Variants in RB1 observed in about 807,000 individuals in gnomAD.
RB1 encodes the protein retinoblastoma-associated protein.
A neutral mutation model predicts 135.4 loss-of-function variants in RB1; 18 were observed. That is an observed-to-expected ratio of 0.13 (90% CI 0.09 to 0.20). The LOEUF is 0.20. Among genes scored for constraint, RB1 ranks in the 10% least tolerant of loss-of-function variants. RB1 has a pLI of 1.00. For synonymous variants in RB1, 365 were observed against 373.2 expected (o/e 0.98, Z 0.25); for missense variants, 868 against 1,110.0 (o/e 0.78, Z 3.10).
intron 17 of RB1, among the ~76,000 whole-genome samples, chr13:48,405,304 TAAATC>T (rs1243015104): frequency 2.0e-5 from 3 of 152,310 alleles, no homozygotes; most frequent in African/African-American, 7.2e-5. Context: ...TTAAAGTTGA[TAAATC>T]AAGTAATAAG....
At chr13:48,318,386 T>G in intron 2 of RB1, 1 of 1,497,342 alleles carries the variant, frequency 6.7e-7, no homozygotes, top group Non-Finnish European at 9.1e-7. Context: ...GCTTGGACCT[T>G]AAGTCCTTGA....
At chr13:48,339,138 G>T (rs975415214) in intron 2 of RB1, among the ~76,000 whole-genome samples, 1 of 152,280 alleles carries the variant, frequency 6.6e-6, no homozygotes, top group African/African-American at 2.4e-5. Flanking sequence ...ACTTGAGGAG[G>T]CAGTCTGTCC....
chr13:48,351,768 G>A (rs1418426281), intron 6 of RB1, among the ~76,000 whole-genome samples: 2 of 151,926 alleles, frequency 1.3e-5, no homozygotes, highest in African/African-American at 4.8e-5. Flanking sequence ...CTGCCTCCCG[G>A]GTTTAAGTGA....
rs1308009862 is a variant in RB1, at chr13:48,380,089, A to G, written c.1421+5A>G. On this transcript the variant is annotated splice_donor_5th_base_variant and intron_variant, in intron 15 of 26. Coordinates refer to ENST00000267163, the MANE Select transcript of RB1 (RefSeq NM_000321.3). ...ATTATCCATTCAAAATTTTAGGTAA[A>G]TTTTTTACTTTTAGTAAAAAATTTT... The G allele has an allele frequency of 2.1e-6, 3 of 1,412,068 alleles. No homozygotes were observed. The highest frequency in any genetic ancestry group is 2.9e-6 in the Non-Finnish European group (3 of 1,049,584). The allele number at this position is 1,412,068 out of a possible 1,614,324, so 87.5% of individuals were successfully genotyped here.
chr13:48,357,024 TTTTAA>T (rs1413823711), intron 6 of RB1, among the ~76,000 whole-genome samples: 1 of 152,012 alleles, frequency 6.6e-6, no homozygotes, highest in African/African-American at 2.4e-5. Context: ...AGAATTTTTT[TTTTAA>T]TTTGAGGTTT....
chr13:48,305,372 A>G (rs778834507), intron 1 of RB1, among the ~76,000 whole-genome samples: 1 of 152,222 alleles, frequency 6.6e-6, no homozygotes, highest in Non-Finnish European at 1.5e-5. Flanking sequence ...AATAACAACA[A>G]CAAAAAATTA....
intron 2 of RB1, among the ~76,000 whole-genome samples, chr13:48,330,390 T>TGG (rs1412532438): frequency 6.6e-6 from 1 of 152,030 alleles, no homozygotes; most frequent in Non-Finnish European, 1.5e-5. Context: ...AAGAGTTTTT[T>TGG]TGAAAAGATA....
At chr13:48,462,895 T>C (rs542433882) in intron 20 of RB1, among the ~76,000 whole-genome samples, 2 of 152,208 alleles carry the variant, frequency 1.3e-5, no homozygotes, top group African/African-American at 4.8e-5. Flanking sequence ...ACTGTAAATA[T>C]ATAAGTATTT....
At chr13:48,394,155 G>C (rs1399294950) in intron 17 of RB1, among the ~76,000 whole-genome samples, 1 of 152,138 alleles carries the variant, frequency 6.6e-6, no homozygotes, top group Non-Finnish European at 1.5e-5. Context: ...AGGGGTTGGG[G>C]AACTCCCTCC....
In RB1 at chr13:48,319,111, C is replaced by G. The variant is rs529268494; in HGVS notation, c.264+11705C>G. 4 of 608,138 alleles carry G rather than the reference C, an allele frequency of 6.6e-6. No individual in the cohort carries two copies. The highest frequency in any genetic ancestry group is 1.2e-5 in the Non-Finnish European group (4 of 329,412). 37.7% of individuals were successfully genotyped at this position (608,138 alleles called of 1,614,324 possible). A position where few individuals can be genotyped will look rare whatever the true frequency, so the allele number is the denominator to read the frequency against. ...CAAACTCGTTCCTGGAAGCCGGGCT[C>G]GCTGGAGGCGGAGCTTTGGTTTCCT... On this transcript the variant is annotated intron_variant, in intron 2 of 26. Transcript: ENST00000267163. The surrounding 1 kb of genome is among the most constrained non-coding windows in gnomAD (Gnocchi z 5.0).
intron 12 of RB1, among the ~76,000 whole-genome samples, chr13:48,374,281 A>G (rs4151527): frequency 0.031 from 4,668 of 152,274 alleles, 232 homozygotes; most frequent in African/African-American, 0.1. Context: ...TGAAACTATC[A>G]TCTATATTGC....
intron 6 of RB1, among the ~76,000 whole-genome samples, chr13:48,353,139 T>C (rs1462367850): frequency 6.6e-6 from 1 of 151,864 alleles, no homozygotes; most frequent in Non-Finnish European, 1.5e-5. Flanking sequence ...ATGAAAAAAT[T>C]GCAAAAGATC....
In RB1 at chr13:48,304,105, A is replaced by G. The variant is rs975089524; in HGVS notation, c.137+56A>G. 24 of 1,340,008 alleles carry G rather than the reference A, an allele frequency of 1.8e-5. No individual in the cohort carries two copies. The East Asian group carries it at 7.2e-4, about 40-fold the overall frequency. 83.0% of individuals were successfully genotyped at this position (1,340,008 alleles called of 1,614,324 possible). ...CGGGAAGGGCGCCCCGGGTGTGCGT[A>G]GGGCGGGCGCCAAGGCGGCTCGGCG... On this transcript the variant is annotated intron_variant, in intron 1 of 26. Coordinates refer to ENST00000267163, the MANE Select transcript of RB1 (RefSeq NM_000321.3).
rs4151433 is a variant in RB1 at position 48,318,970 on chromosome 13, A to G, written c.264+11564A>G. The G allele has an allele frequency of 1.2e-5, 10 of 824,380 alleles. No homozygotes were observed. In the South Asian group the frequency reaches 1.3e-4, roughly 11 times the overall value. 51.1% of individuals were successfully genotyped at this position (824,380 alleles called of 1,614,324 possible). On this transcript the variant is annotated intron_variant, in intron 2 of 26. Coordinates refer to ENST00000267163, the MANE Select transcript of RB1 (RefSeq NM_000321.3). ...GGGAGTAGAAGCGTGGGCTTGCAGA[A>G]AGGGACCTGTTGCTGCCTTACATGG...
intron 8 of RB1, among the ~76,000 whole-genome samples, chr13:48,364,599 T>A (rs1294709424): frequency 1.3e-5 from 2 of 152,134 alleles, no homozygotes; most frequent in African/African-American, 4.8e-5. Context: ...TCAAAAGTAA[T>A]CGATAGGTCT....
At chr13:48,320,259 GC>G in intron 2 of RB1, 1 of 1,163,720 alleles carries the variant, frequency 8.6e-7, no homozygotes, top group Non-Finnish European at 1.2e-6. Context: ...CTGCCCTGTG[GC>G]CCCTCTGTGC....
rs751697681 is a variant in RB1 at position 48,479,991 on chromosome 13, T to C, written c.2714-7T>C. 16 of 1,611,680 alleles carry C rather than the reference T, an allele frequency of 9.9e-6. No individual in the cohort carries two copies. The highest frequency in any genetic ancestry group is 2.2e-5 in the East Asian group (1 of 44,770). On this transcript the variant is annotated splice_region_variant and splice_polypyrimidine_tract_variant and intron_variant, in intron 26 of 26. Coordinates refer to ENST00000267163, the MANE Select transcript of RB1 (RefSeq NM_000321.3). ...ATGCTGTTAACAGTTCTTCATCCTT[T>C]TTCCAGCTTCTACTCGAACACGAAT...
chr13:48,435,186 C>T lies in RB1; in HGVS notation c.1696-17807C>T, dbSNP rs527405559. Among the ~76,000 whole-genome samples, 7 of 152,322 alleles carry T rather than the reference C, an allele frequency of 4.6e-5. No individual in the cohort carries two copies. The South Asian group carries it at 1.4e-3, about 32-fold the overall frequency. ...ATTTTAAATTTCCGCCAGCAATATA[C>T]GAGTGAGTGATCCAGTTTCTCTGCA... On this transcript the variant is annotated intron_variant, in intron 17 of 26. Transcript: ENST00000267163.
chr13:48,341,284 C>T (rs1233794257), intron 2 of RB1: 1 of 151,558 alleles, frequency 6.6e-6, no homozygotes, highest in African/African-American at 2.4e-5. Context: ...AATAACATTC[C>T]ATTGTAGGGA....
Sources: allele counts gnomAD v4.1 joint callset (sites outside exome capture counted in the v4.1 genomes callset), GRCh38; gene constraint gnomAD v4.1.1; non-coding constraint Gnocchi (gnomAD v3.1); transcripts MANE v1.5; gene names NCBI Gene and HGNC (gene_info 2026-07-23, HGNC 2026-07-21).